Variants in MAPRE2 observed in about 807,000 individuals in gnomAD.
The protein encoded by MAPRE2 is microtubule-associated protein RP/EB family member 2.
A neutral mutation model predicts 43.2 loss-of-function variants in MAPRE2; 13 were observed. The ratio of observed to expected loss-of-function variants is 0.30; its 90% CI spans 0.20 to 0.48. MAPRE2 has a LOEUF of 0.48. MAPRE2 is among the 20% of genes least tolerant of loss of function. The probability of loss-of-function intolerance (pLI) is 0.99; values close to 1 mark genes in which losing one functional copy is unlikely to be tolerated. For synonymous variants in MAPRE2, 135 were observed against 148.8 expected (o/e 0.91, Z 0.68); for missense variants, 161 against 400.2 (o/e 0.40, Z 5.10).
chr18:35,098,516 A>G (rs1049829051), intron 3 of MAPRE2, among the ~76,000 whole-genome samples: 1 of 152,230 alleles, frequency 6.6e-6, no homozygotes, highest in Non-Finnish European at 1.5e-5. Context: ...ATATATTAAG[A>G]AAATCCTGAC....
intron 2 of MAPRE2, among the ~76,000 whole-genome samples, chr18:35,026,561 T>C (rs2097045327): frequency 6.6e-6 from 1 of 152,124 alleles, no homozygotes; most frequent in Non-Finnish European, 1.5e-5. Flanking sequence ...ACAGGCGCAG[T>C]CTGCAGAGGC....
intron 1 of MAPRE2, among the ~76,000 whole-genome samples, chr18:35,043,061 C>T (rs950492099): frequency 6.6e-6 from 1 of 152,144 alleles, no homozygotes; most frequent in Admixed American, 6.5e-5. Flanking sequence ...GTTGATATGG[C>T]ATTCTTACAG....
intron 6 of MAPRE2, 35 bp from the exon 7 acceptor site, chr18:35,140,260 A>T (rs1160843091): frequency 6.3e-7 from 1 of 1,594,412 alleles, no homozygotes; most frequent in Non-Finnish European, 8.6e-7. Flanking sequence ...ATTCCCAGTC[A>T]ATTATCTCAG....
chr18:35,090,319 A>G (rs1196252577), intron 2 of MAPRE2, among the ~76,000 whole-genome samples: 2 of 152,194 alleles, frequency 1.3e-5, no homozygotes, highest in Non-Finnish European at 2.9e-5. Context: ...CTTTACTAGG[A>G]TAAGATCTGG....
intron 2 of MAPRE2, among the ~76,000 whole-genome samples, chr18:35,092,128 G>C (rs953761637): frequency 1.3e-5 from 2 of 152,184 alleles, no homozygotes; most frequent in Non-Finnish European, 2.9e-5. Flanking sequence ...GCACTGAGGG[G>C]ATAGTGATCA....
chr18:35,038,804 T>C (rs368488640), upstream of MAPRE2, among the ~76,000 whole-genome samples: 128 of 152,336 alleles, frequency 8.4e-4, no homozygotes, highest in African/African-American at 2.9e-3. Flanking sequence ...TTATTACCCC[T>C]GTTACCCCTG....
chr18:35,062,514 G>A (rs1002405898), intron 1 of MAPRE2, among the ~76,000 whole-genome samples: 7 of 152,196 alleles, frequency 4.6e-5, no homozygotes, highest in Non-Finnish European at 1.0e-4. Flanking sequence ...TGCTATGCTG[G>A]AACAGGCCAA....
intron 1 of MAPRE2, among the ~76,000 whole-genome samples, chr18:35,052,606 G>A (rs535444144): frequency 1.3e-5 from 2 of 152,166 alleles, no homozygotes; most frequent in Non-Finnish European, 2.9e-5. Context: ...TCATATGGCT[G>A]GTGTTTAACT....
intron 5 of MAPRE2, among the ~76,000 whole-genome samples, chr18:35,127,829 C>G (rs16966467): frequency 0.024 from 3,677 of 152,300 alleles, 142 homozygotes; most frequent in African/African-American, 0.084. Flanking sequence ...TAAAATCTAA[C>G]TAGCTCCACT....
chr18:35,043,727 A>G (rs969267854), intron 1 of MAPRE2, among the ~76,000 whole-genome samples: 5 of 152,212 alleles, frequency 3.3e-5, no homozygotes, highest in Admixed American at 6.5e-5. Context: ...GAGAGGTGTC[A>G]TAGGCTAAAT....
chr18:35,095,369 C>G (rs1207614782), intron 2 of MAPRE2, among the ~76,000 whole-genome samples: 1 of 130,384 alleles, frequency 7.7e-6, no homozygotes, highest in South Asian at 2.4e-4. Flanking sequence ...AAAATACACA[C>G]ACACACACAC....
chr18:35,029,177 T>C lies in MAPRE2; in HGVS notation c.-8+23624T>C, dbSNP rs541387485. On this transcript the variant is annotated intron_variant, in intron 2 of 7. Transcript: ENST00000413393. ...TGATGGGAAACTTAGTCTTACTTCA[T>C]GATTTCCAGTTGCATTTTTTTTCCT... Among the ~76,000 whole-genome samples, 6 of 152,330 alleles carry C rather than the reference T, an allele frequency of 3.9e-5. No homozygotes were observed. The South Asian group carries it at 1.2e-3, about 32-fold the overall frequency.
chr18:35,039,783 C>T (rs1278971862), upstream of MAPRE2, among the ~76,000 whole-genome samples: 1 of 152,224 alleles, frequency 6.6e-6, no homozygotes, highest in African/African-American at 2.4e-5. Context: ...ATAAACCATA[C>T]AGTGATGTGA....
intron 2 of MAPRE2, among the ~76,000 whole-genome samples, chr18:35,013,440 T>A (rs2097036079): frequency 6.6e-6 from 1 of 152,232 alleles, no homozygotes; most frequent in Admixed American, 6.5e-5. Context: ...CATAGTGATG[T>A]TTTGATATGT....
rs906143511 is a variant in MAPRE2 at position 35,000,526 on chromosome 18, G to C, written c.-69-4966G>C. ...GATAGAGGTTCTGCTGCTATGCCTT[G>C]GACATGGGATGCTGGAATTCTGGAT... On this transcript the variant is annotated intron_variant, in intron 1 of 7. Transcript: ENST00000413393. Among the ~76,000 whole-genome samples, 4 of 152,162 alleles carry C rather than the reference G, an allele frequency of 2.6e-5. No individual in the cohort carries two copies. The South Asian group carries it at 8.3e-4, about 31-fold the overall frequency.
intron 1 of MAPRE2, among the ~76,000 whole-genome samples, chr18:35,001,192 A>C (rs2097029142): frequency 6.6e-6 from 1 of 152,178 alleles, no homozygotes; most frequent in African/African-American, 2.4e-5. Flanking sequence ...TGTGAACTTA[A>C]GGGTATGAGA....
chr18:35,062,211 A>G (rs1906568714), intron 1 of MAPRE2, among the ~76,000 whole-genome samples: 1 of 152,248 alleles, frequency 6.6e-6, no homozygotes, highest in Non-Finnish European at 1.5e-5. Flanking sequence ...CCGGAGGATA[A>G]CATATATTCT....
At chr18:35,054,051 C>G (rs148809026) in intron 1 of MAPRE2, among the ~76,000 whole-genome samples, 4 of 152,156 alleles carry the variant, frequency 2.6e-5, no homozygotes, top group Non-Finnish European at 5.9e-5. Context: ...TGGATGCCCC[C>G]CTTTTAAAAA....
chr18:35,083,296 G>A (rs1907728532), intron 2 of MAPRE2, among the ~76,000 whole-genome samples: 1 of 152,188 alleles, frequency 6.6e-6, no homozygotes, highest in South Asian at 2.1e-4. Context: ...GTGCACATGT[G>A]GAGAAGCTAT....
Sources: allele counts gnomAD v4.1 joint callset (sites outside exome capture counted in the v4.1 genomes callset), GRCh38; gene constraint gnomAD v4.1.1; transcripts MANE v1.5; gene names NCBI Gene and HGNC (gene_info 2026-07-23, HGNC 2026-07-21).